The following RALGAPA1 variants were observed in gnomAD, a reference collection of about 807,000 sequenced individuals.
The protein encoded by RALGAPA1 is ral GTPase-activating protein subunit alpha-1.
Under a neutral mutation model 269.6 loss-of-function variants are expected in RALGAPA1, and 52 were observed. The observed-to-expected ratio is 0.19, with a 90% CI of 0.15 to 0.24. RALGAPA1 has a LOEUF of 0.24. Among genes scored for constraint, RALGAPA1 ranks in the 10% least tolerant of loss-of-function variants. The pLI is 1.00. For missense variants in RALGAPA1, 1,917 were observed against 3,013.9 expected (o/e 0.64, Z 8.52); for synonymous variants, 817 against 1,008.3 (o/e 0.81, Z 3.60).
rs745841073 is a variant in RALGAPA1, at chr14:35,774,991, T to C, written c.267+15A>G. On this transcript the variant is annotated intron_variant, in intron 3 of 41. Transcript: ENST00000680220. Reference sequence around the variant, plus strand: ...ATTTTTGAAAAAGGGAAAAGTTAGGTTCAGAAGCACTTACCTCAAAAATAA... The same window carrying C: ...ATTTTTGAAAAAGGGAAAAGTTAGGCTCAGAAGCACTTACCTCAAAAATAA... The C allele has an allele frequency of 2.0e-6, 3 of 1,524,080 alleles. No individual in the cohort carries two copies. Among genetic ancestry groups the C allele is most frequent in the Admixed American group, 3.6e-5 (2 of 55,414 alleles). 94.4% of individuals were successfully genotyped at this position (1,524,080 alleles called of 1,614,324 possible). A position where few individuals can be genotyped will look rare whatever the true frequency, so the allele number is the denominator to read the frequency against.
intron 1 of RALGAPA1, among the ~76,000 whole-genome samples, chr14:35,791,350 T>C (rs2076154060): frequency 6.6e-6 from 1 of 152,136 alleles, no homozygotes; most frequent in African/African-American, 2.4e-5. Context: ...AAAGGTATAA[T>C]CCCAGCACTT....
intron 35 of RALGAPA1, among the ~76,000 whole-genome samples, chr14:35,620,432 T>C (rs1418132824): frequency 6.6e-6 from 1 of 152,114 alleles, no homozygotes; most frequent in Non-Finnish European, 1.5e-5. Flanking sequence ...ACTGGAAGCA[T>C]TCCCTTTGAA....
rs1487417291 is a variant in RALGAPA1 at position 35,549,189 on chromosome 14, G to A, written c.7542C>T (p.His2514=). ...ARYLQTIVQH[H]LEPTTFEDFA... is the part of the protein sequence containing the mutation. ...AATCTTCAAATGTTGTTGGTTCTAA[G>A]TGGTGCTGGACAATTGTTTGCAGGT... The change falls in exon 40 of 42, where the codon CAC becomes CAT. Residue 2514 remains histidine, a synonymous_variant. Coordinates refer to ENST00000680220, the MANE Select transcript of RALGAPA1 (RefSeq NM_001346249.2). 6.2e-7 allele frequency: 1 copy of A among 1,612,900 alleles called. No individual in the cohort carries two copies. Among genetic ancestry groups the A allele is most frequent in the Admixed American group, 1.7e-5 (1 of 59,982 alleles).
intron 16 of RALGAPA1, among the ~76,000 whole-genome samples, chr14:35,718,654 A>G (rs1776519205): frequency 6.6e-6 from 1 of 152,072 alleles, no homozygotes; most frequent in South Asian, 2.1e-4. Context: ...CGTGTCCACT[A>G]AAAATACAAA....
At chr14:35,701,163 A>C (rs746541359) in intron 16 of RALGAPA1, among the ~76,000 whole-genome samples, 6 of 151,778 alleles carry the variant, frequency 4.0e-5, no homozygotes, top group African/African-American at 7.3e-5. Context: ...TTCACTTAGA[A>C]ATAAATAATC....
At chr14:35,621,600 T>A (rs1159164792) in intron 35 of RALGAPA1, among the ~76,000 whole-genome samples, 2 of 152,140 alleles carry the variant, frequency 1.3e-5, no homozygotes, top group Non-Finnish European at 2.9e-5. Flanking sequence ...AAGAAAATTT[T>A]TGCAATCTAC....
chr14:35,619,143 G>A (rs920845204), intron 35 of RALGAPA1, among the ~76,000 whole-genome samples: 22 of 152,024 alleles, frequency 1.4e-4, no homozygotes, highest in Admixed American at 6.6e-5. Context: ...CTATATTAAA[G>A]TGTAATATTT....
intron 36 of RALGAPA1, among the ~76,000 whole-genome samples, chr14:35,604,201 C>T (rs2059447203): frequency 2.6e-5 from 4 of 151,928 alleles, no homozygotes; most frequent in Admixed American, 1.3e-4. Context: ...CAACAACCAC[C>T]TTGACCTAAT....
Position 35,654,365 on chromosome 14 carries a change from A to C in RALGAPA1, c.5607+2T>G. ...ATAATAAATAAATGAGAAATTACTT[A>C]CTTGAATAATTTTCAAGGGAGAATC... On this transcript the variant is annotated splice_donor_variant, in intron 30 of 41. Coordinates refer to ENST00000680220, the MANE Select transcript of RALGAPA1 (RefSeq NM_001346249.2). LOFTEE classifies it high-confidence loss of function. 6.3e-7 allele frequency: 1 copy of C among 1,582,014 alleles called. No individual in the cohort carries two copies. Among genetic ancestry groups the C allele is most frequent in the Non-Finnish European group, 8.5e-7 (1 of 1,170,280 alleles).
chr14:35,587,648 T>C (rs2058384170), intron 37 of RALGAPA1, among the ~76,000 whole-genome samples: 1 of 150,198 alleles, frequency 6.7e-6, no homozygotes, highest in Non-Finnish European at 1.5e-5. Flanking sequence ...ATGTTCTCAC[T>C]CATAGGTGAG....
At chr14:35,649,029 A>G (rs2062646126) in intron 31 of RALGAPA1, among the ~76,000 whole-genome samples, 3 of 152,308 alleles carry the variant, frequency 2.0e-5, no homozygotes, top group Admixed American at 6.5e-5. Flanking sequence ...GTGATTTCAT[A>G]TATTCTCACA....
At chr14:35,728,972 T>G (rs903780882) in intron 12 of RALGAPA1, among the ~76,000 whole-genome samples, 1 of 152,102 alleles carries the variant, frequency 6.6e-6, no homozygotes, top group Non-Finnish European at 1.5e-5. Context: ...TGGCCTCAAG[T>G]GATCTGCCCA....
intron 1 of RALGAPA1, among the ~76,000 whole-genome samples, chr14:35,784,420 C>T (rs1335665697): frequency 6.6e-6 from 1 of 152,110 alleles, no homozygotes; most frequent in Non-Finnish European, 1.5e-5. Context: ...GAAGAGTCAA[C>T]CACAGAGATG....
At chr14:35,728,539 A>G (rs2070183824) in intron 12 of RALGAPA1, 29 bp from the exon 13 acceptor site, 2 of 1,552,548 alleles carry the variant, frequency 1.3e-6, no homozygotes, top group African/African-American at 2.8e-5. Flanking sequence ...TTAGCTATTC[A>G]CAAAGGAATT....
intron 21 of RALGAPA1, among the ~76,000 whole-genome samples, chr14:35,679,630 A>C (rs1361324042): frequency 1.3e-5 from 2 of 152,224 alleles, no homozygotes; most frequent in African/African-American, 4.8e-5. Context: ...CTACTGAATG[A>C]GAATTGCTTT....
chr14:35,766,226 A>T, intron 4 of RALGAPA1: 1 of 810,536 alleles, frequency 1.2e-6, no homozygotes, highest in Non-Finnish European at 2.2e-6. Flanking sequence ...TGGAAGTGCA[A>T]GGAATCTTAA....
At chr14:35,766,260 A>T in intron 4 of RALGAPA1, 1 of 813,058 alleles carries the variant, frequency 1.2e-6, no homozygotes, top group Admixed American at 1.7e-5. Context: ...TGATGCAGCA[A>T]TTGTCTTGGG....
At chr14:35,633,803 A>G (rs2061497251) in intron 33 of RALGAPA1, among the ~76,000 whole-genome samples, 1 of 152,092 alleles carries the variant, frequency 6.6e-6, no homozygotes, top group Non-Finnish European at 1.5e-5. Flanking sequence ...ATATACTTCT[A>G]TTGTTACACT....
At chr14:35,740,887 G>GT (rs1249817199) in intron 11 of RALGAPA1, among the ~76,000 whole-genome samples, 2 of 152,044 alleles carry the variant, frequency 1.3e-5, no homozygotes, top group Non-Finnish European at 2.9e-5. Flanking sequence ...CTTTATAACT[G>GT]TAACACCAAA....
Sources: allele counts gnomAD v4.1 joint callset (sites outside exome capture counted in the v4.1 genomes callset), GRCh38; gene constraint gnomAD v4.1.1; transcripts MANE v1.5; gene names NCBI Gene and HGNC (gene_info 2026-07-23, HGNC 2026-07-21).